Variants in CCDC149 observed in about 807,000 individuals in gnomAD.
CCDC149 encodes coiled-coil domain containing 149.
Under a neutral mutation model 59.9 loss-of-function variants are expected in CCDC149, and 45 were observed. The ratio of observed to expected loss-of-function variants is 0.75; its 90% CI spans 0.59 to 0.96. The LOEUF (loss-of-function observed/expected upper bound fraction) is 0.96. Ranked by LOEUF, CCDC149 falls within the 40% of genes least tolerant of loss-of-function variation. The pLI, the probability that CCDC149 is intolerant of heterozygous loss-of-function variation, is 0.00. For missense variants in CCDC149, 584 were observed against 664.7 expected, an observed-to-expected ratio of 0.88 and a Z score of 1.33; for synonymous variants, 245 against 260.6, an observed-to-expected ratio of 0.94 and a Z score of 0.58.
At chr4:24,894,420 AATC>A (rs1720725451) in intron 1 of CCDC149, among the ~76,000 whole-genome samples, 1 of 152,116 alleles carries the variant, frequency 6.6e-6, no homozygotes. Context: ...ATGCCTACAT[AATC>A]AAGACTCAGC....
chr4:24,978,103 C>T (rs1029742681), intron 1 of CCDC149, among the ~76,000 whole-genome samples: 7 of 152,140 alleles, frequency 4.6e-5, no homozygotes, highest in Admixed American at 3.3e-4. Flanking sequence ...CTAACTCCAG[C>T]CTCAGTGACA....
At chr4:24,939,338 C>T (rs1577495568) in intron 1 of CCDC149, among the ~76,000 whole-genome samples, 1 of 152,210 alleles carries the variant, frequency 6.6e-6, no homozygotes, top group Non-Finnish European at 1.5e-5. Context: ...AGGGTCCTGA[C>T]TGTTAGAAGG....
intron 1 of CCDC149, among the ~76,000 whole-genome samples, chr4:24,905,505 T>C (rs1238795867): frequency 2.0e-5 from 3 of 151,334 alleles, no homozygotes; most frequent in Non-Finnish European, 4.4e-5. Context: ...GCGTGATCTC[T>C]GCCCACTACA....
intron 1 of CCDC149, chr4:24,895,103 G>T (rs1341369251): frequency 8.9e-5 from 96 of 1,080,670 alleles, no homozygotes; most frequent in Non-Finnish European, 1.2e-4. Context: ...CACTACTTAT[G>T]AATAAGTAGT....
At chr4:24,960,876 T>G (rs1027130897) in intron 1 of CCDC149, among the ~76,000 whole-genome samples, 7 of 152,150 alleles carry the variant, frequency 4.6e-5, no homozygotes, top group Non-Finnish European at 1.0e-4. Context: ...TGTAATAGGT[T>G]TGAACAGCAG....
chr4:24,910,004 GATC>G (rs1721781963), intron 1 of CCDC149, among the ~76,000 whole-genome samples: 1 of 152,192 alleles, frequency 6.6e-6, no homozygotes, highest in Non-Finnish European at 1.5e-5. Flanking sequence ...TGTAACAAAT[GATC>G]ATAAACGGGG....
At chr4:24,821,616 T>C (rs1203355514) in intron 10 of CCDC149, among the ~76,000 whole-genome samples, 1 of 152,230 alleles carries the variant, frequency 6.6e-6, no homozygotes, top group Admixed American at 6.5e-5. Flanking sequence ...GTGCTGACTT[T>C]TACTTATCGT....
chr4:24,935,839 A>G (rs1722722953), intron 1 of CCDC149, among the ~76,000 whole-genome samples: 1 of 152,204 alleles, frequency 6.6e-6, no homozygotes, highest in Non-Finnish European at 1.5e-5. Context: ...TATATTTGCG[A>G]GTCATCTATA....
chr4:24,932,524 G>A (rs1383343455), intron 1 of CCDC149, among the ~76,000 whole-genome samples: 1 of 152,130 alleles, frequency 6.6e-6, no homozygotes, highest in African/African-American at 2.4e-5. Flanking sequence ...TTAAGAGACT[G>A]TTAAATTGAA....
intron 1 of CCDC149, among the ~76,000 whole-genome samples, chr4:24,939,765 C>A (rs938867499): frequency 6.6e-5 from 10 of 151,986 alleles, no homozygotes; most frequent in African/African-American, 1.7e-4. Context: ...CCTCAGTAAC[C>A]GATGCGATCA....
intron 1 of CCDC149, among the ~76,000 whole-genome samples, chr4:24,955,802 G>A (rs976067869): frequency 6.6e-6 from 1 of 152,116 alleles, no homozygotes; most frequent in African/African-American, 2.4e-5. Flanking sequence ...GAGATATGGT[G>A]GCAATGGTAT....
intron 2 of CCDC149, 52 bp downstream of exon 2, chr4:24,876,484 A>G (rs1719446309): frequency 1.3e-6 from 2 of 1,529,740 alleles, no homozygotes; most frequent in South Asian, 1.2e-5. Context: ...ATCTCTTTAT[A>G]TCTTAATTCA....
At chr4:24,954,103 AT>A (rs772432311) in intron 1 of CCDC149, among the ~76,000 whole-genome samples, 1 of 152,330 alleles carries the variant, frequency 6.6e-6, no homozygotes, top group South Asian at 2.1e-4. Flanking sequence ...CCAAGAGAAT[AT>A]TTGAAGAAAT....
At chr4:24,952,468 T>C (rs140389121) in intron 1 of CCDC149, among the ~76,000 whole-genome samples, 2 of 151,084 alleles carry the variant, frequency 1.3e-5, no homozygotes, top group Non-Finnish European at 3.0e-5. Flanking sequence ...TGCAGGTGCC[T>C]GTAATCCCAG....
chr4:24,931,831 A>ATATATATATATATATATATATATATG (rs1553862500), intron 1 of CCDC149, among the ~76,000 whole-genome samples: 1 of 100,402 alleles, frequency 1.0e-5, no homozygotes, highest in Non-Finnish European at 2.1e-5. Flanking sequence ...GAGAGTATGT[A>ATATATATATATATATATATATATATG]TATATATATA....
chr4:24,833,432 T>C (rs1232754672), intron 8 of CCDC149, among the ~76,000 whole-genome samples: 1 of 152,144 alleles, frequency 6.6e-6, no homozygotes, highest in African/African-American at 2.4e-5. Flanking sequence ...GAGCTCAGCC[T>C]GGCCAACACA....
intron 8 of CCDC149, among the ~76,000 whole-genome samples, chr4:24,832,079 T>C (rs1716190465): frequency 6.6e-6 from 1 of 152,204 alleles, no homozygotes; most frequent in Non-Finnish European, 1.5e-5. Context: ...CCAAGCACCT[T>C]GCTTTACGTC....
intron 4 of CCDC149, among the ~76,000 whole-genome samples, chr4:24,841,038 ACT>A (rs1350055564): frequency 6.6e-6 from 1 of 151,908 alleles, no homozygotes; most frequent in African/African-American, 2.4e-5. Context: ...ATATGCAAAA[ACT>A]CTATCACATC....
Position 24,958,742 on chromosome 4 carries a change from G to GA in CCDC149, c.-65+21326dup, listed in dbSNP as rs199755366. Among the ~76,000 whole-genome samples, 222 of 151,902 alleles carry GA rather than the reference G, an allele frequency of 1.5e-3. 1 individual carries two copies. Among genetic ancestry groups the GA allele is most frequent in the African/African-American group, 4.8e-3 (198 of 41,460 alleles). ...AGTATCCAAAATGAAAAACAGAGAA[G>GA]AAAAAAAAGCCAGGTGCGGTGGCTC... On this transcript the variant is annotated intron_variant, in intron 1 of 12. Coordinates refer to the CCDC149 transcript ENST00000389609.
Sources: allele counts gnomAD v4.1 joint callset (sites outside exome capture counted in the v4.1 genomes callset), GRCh38; gene constraint gnomAD v4.1.1; transcripts MANE v1.5; gene names NCBI Gene and HGNC (gene_info 2026-07-23, HGNC 2026-07-21).